AGPAT3: variants seen among roughly 807,000 people sequenced by gnomAD.
The protein encoded by AGPAT3 is 1-acylglycerol-3-phosphate O-acyltransferase 3.
In AGPAT3, 5 loss-of-function variants were observed where a neutral mutation model predicts 47.3. The observed-to-expected ratio is 0.11, with a 90% CI of 0.06 to 0.22. The LOEUF (loss-of-function observed/expected upper bound fraction) is 0.22. Among genes scored for constraint, AGPAT3 ranks in the 10% least tolerant of loss-of-function variants. AGPAT3 has a pLI of 1.00. For synonymous variants in AGPAT3, 212 were observed against 208.3 expected, an observed-to-expected ratio of 1.02 and a Z score of -0.15; for missense variants, 315 against 493.0, an observed-to-expected ratio of 0.64 and a Z score of 3.42.
intron 7 of AGPAT3, among the ~76,000 whole-genome samples, chr21:43,972,741 G>A (rs1444192921): frequency 3.3e-5 from 5 of 152,208 alleles, no homozygotes; most frequent in African/African-American, 1.2e-4. Context: ...ACAGGCTGGG[G>A]TTGTGACCTT....
chr21:43,979,342 A>T (rs1050406695), intron 8 of AGPAT3, among the ~76,000 whole-genome samples: 71 of 151,732 alleles, frequency 4.7e-4, no homozygotes, highest in Non-Finnish European at 9.1e-4. Flanking sequence ...AAAGAAAAAA[A>T]AAAAGGGAAA....
intron 1 of AGPAT3, among the ~76,000 whole-genome samples, chr21:43,870,357 C>T (rs908064033): frequency 2.0e-5 from 3 of 152,154 alleles, no homozygotes; most frequent in Admixed American, 1.3e-4. Flanking sequence ...TCCAGGCTAG[C>T]ATTGCATTTT....
At position 43,964,160 on chromosome 21, in the gene AGPAT3, G is replaced by A. The variant is rs186047833; in HGVS notation, c.179-3786G>A. 3.5e-3 allele frequency among the ~76,000 whole-genome samples: 536 copies of A among 151,676 alleles called. 4 individuals are homozygous for A. Among genetic ancestry groups the A allele is most frequent in the African/African-American group, 0.012 (485 of 41,412 alleles). On this transcript the variant is annotated intron_variant, in intron 3 of 9. Transcript: ENST00000291572. ...AGCACTTTGGGAGGCCAAGGTGGGCGGATCACCTGAGGTCAGGAGTTCAAG... is the reference window on the plus strand; with the variant it reads ...AGCACTTTGGGAGGCCAAGGTGGGCAGATCACCTGAGGTCAGGAGTTCAAG...
chr21:43,935,176 G>A (rs1246750099), intron 2 of AGPAT3, among the ~76,000 whole-genome samples: 2 of 152,280 alleles, frequency 1.3e-5, no homozygotes, highest in African/African-American at 4.8e-5. Flanking sequence ...CCAAAGTGCC[G>A]TGCCGCGCTA....
rs1355735202 is a variant in AGPAT3, at chr21:43,987,409, A to C, written c.*5017A>C. Among the ~76,000 whole-genome samples, 1 of 152,190 alleles carries C rather than the reference A, an allele frequency of 6.6e-6. No homozygotes were observed. The highest frequency in any genetic ancestry group is 1.5e-5 in the Non-Finnish European group (1 of 68,040). On this transcript the variant is annotated 3_prime_UTR_variant, in exon 10 of 10. Transcript: ENST00000291572. ...TCAGCCAGTCCACAAAAATACGCAA[A>C]ATGACCTGATGATGTCCAAAAAAGG...
At chr21:43,873,763 C>T (rs2085675442) in intron 1 of AGPAT3, among the ~76,000 whole-genome samples, 1 of 152,192 alleles carries the variant, frequency 6.6e-6, no homozygotes. Context: ...TCACCCTTTT[C>T]ATTCCTAAAA....
At chr21:43,897,997 G>A (rs889005641) in intron 1 of AGPAT3, among the ~76,000 whole-genome samples, 14 of 152,176 alleles carry the variant, frequency 9.2e-5, no homozygotes, top group East Asian at 5.8e-4. Flanking sequence ...CAGGCATGGC[G>A]GCGCGCGCCT....
intron 2 of AGPAT3, among the ~76,000 whole-genome samples, chr21:43,913,873 G>A (rs2086678393): frequency 6.6e-6 from 1 of 152,176 alleles, no homozygotes; most frequent in Non-Finnish European, 1.5e-5. Flanking sequence ...TATACACTAG[G>A]TAAGAAATTA....
At chr21:43,902,129 C>T (rs539773391) in intron 1 of AGPAT3, among the ~76,000 whole-genome samples, 7 of 152,198 alleles carry the variant, frequency 4.6e-5, no homozygotes, top group East Asian at 1.9e-4. Context: ...ATCCAATTGC[C>T]GAGAATCCTG....
intron 2 of AGPAT3, chr21:43,916,491 A>C (rs188317182): frequency 4.8e-5 from 7 of 146,816 alleles, no homozygotes; most frequent in Non-Finnish European, 7.4e-5. Flanking sequence ...CTGATGTCTC[A>C]TTTATTTCAT....
intron 2 of AGPAT3, among the ~76,000 whole-genome samples, chr21:43,914,180 G>A (rs1224250115): frequency 1.3e-5 from 2 of 152,210 alleles, no homozygotes. Flanking sequence ...GAAGAAGGCT[G>A]TTGGAACCCC....
At position 43,922,593 on chromosome 21, in the gene AGPAT3, C is replaced by A. The variant is rs1048168845; in HGVS notation, c.-49+18574C>A. Among the ~76,000 whole-genome samples the A allele has an allele frequency of 1.6e-4, 24 of 152,214 alleles. No individual in the cohort carries two copies. Among genetic ancestry groups the A allele is most frequent in the Non-Finnish European group, 2.8e-4 (19 of 68,042 alleles). ...ACAGAGACTCTGGGCCTGGGTCCCC[C>A]CCGGCACAGTCTGTGACCTGTGACC... On this transcript the variant is annotated intron_variant, in intron 2 of 9. Transcript: ENST00000291572. This position sits in a 1 kb window ranked among gnomAD's most constrained non-coding sequence, Gnocchi z 4.9.
chr21:43,917,886 G>T (rs1228450677), intron 2 of AGPAT3, among the ~76,000 whole-genome samples: 8 of 119,960 alleles, frequency 6.7e-5, no homozygotes, highest in South Asian at 2.9e-4. Context: ...GGGTTGTGGG[G>T]GTTGTAGGGG....
At chr21:43,971,589 C>T in intron 7 of AGPAT3, 99 bp downstream of exon 7, 1 of 1,106,162 alleles carries the variant, frequency 9.0e-7, no homozygotes, top group Middle Eastern at 2.3e-4. Flanking sequence ...GCCCCACGTC[C>T]CACAGCCCCG....
At position 43,886,238 on chromosome 21, in the gene AGPAT3, A is replaced by G. The variant is rs116830982; in HGVS notation, c.-111-17719A>G. Among the ~76,000 whole-genome samples the G allele has an allele frequency of 7.1e-3, 1,077 of 152,052 alleles. 12 individuals carry two copies. Among genetic ancestry groups the G allele is most frequent in the African/African-American group, 0.025 (1,037 of 41,456 alleles). On this transcript the variant is annotated intron_variant, in intron 1 of 9. Transcript: ENST00000291572. ...GTGCTATCAAATATTAGGTCTTTAT[A>G]CTAGATCTTTTTTTATTAAAAAAAT...
intron 1 of AGPAT3, among the ~76,000 whole-genome samples, chr21:43,893,627 A>T (rs535851570): frequency 6.6e-6 from 1 of 152,330 alleles, no homozygotes; most frequent in South Asian, 2.1e-4. Flanking sequence ...AGAGCTGTGC[A>T]ACTCATCCTT....
At chr21:43,915,207 A>G (rs1174185581) in intron 2 of AGPAT3, among the ~76,000 whole-genome samples, 1 of 151,266 alleles carries the variant, frequency 6.6e-6, no homozygotes, top group Admixed American at 6.6e-5. Context: ...GCGCGCCACC[A>G]TGCCCGGCTA....
At position 43,984,975 on chromosome 21, in the gene AGPAT3, C is replaced by A; in HGVS notation, c.*2583C>A. 1 of 384,472 alleles carries A rather than the reference C, an allele frequency of 2.6e-6. No individual in the cohort carries two copies. The highest frequency in any genetic ancestry group is 1.9e-5 in the South Asian group (1 of 52,530). The allele number at this position is 384,472 out of a possible 1,614,324, so 23.8% of individuals were successfully genotyped here. On this transcript the variant is annotated 3_prime_UTR_variant, in exon 10 of 10. Transcript: ENST00000291572. ...ATGCCCTCTGCACCCAGTCCTTGAG[C>A]CAGGCCGAGGACAGGAAGGGCATTG...
chr21:43,937,242 A>G (rs2087479893), intron 2 of AGPAT3, among the ~76,000 whole-genome samples: 1 of 152,230 alleles, frequency 6.6e-6, no homozygotes, highest in Non-Finnish European at 1.5e-5. Context: ...AAGCATGTAG[A>G]TAAGAAGTTG....
Sources: gnomAD v4.1 joint callset for allele counts (sites outside exome capture counted in the v4.1 genomes callset) on GRCh38, gnomAD v4.1.1 for gene constraint, Gnocchi (gnomAD v3.1) non-coding constraint, MANE v1.5 for transcripts, NCBI Gene and HGNC (gene_info 2026-07-23, HGNC 2026-07-21) for gene names.